The following THSD7B variants were observed in gnomAD, a reference collection of about 807,000 sequenced individuals.
The protein encoded by THSD7B is thrombospondin type-1 domain-containing protein 7B.
Under a neutral mutation model 213.6 loss-of-function variants are expected in THSD7B, and 138 were observed. That is an observed-to-expected ratio of 0.65 (90% CI 0.56 to 0.74). The LOEUF is 0.74. Ranked by LOEUF, THSD7B falls within the 30% of genes least tolerant of loss-of-function variation. The pLI is 0.00. For synonymous variants in THSD7B, 742 were observed against 687.0 expected, an observed-to-expected ratio of 1.08 and a Z score of -1.25; for missense variants, 1,931 against 1,991.5, an observed-to-expected ratio of 0.97 and a Z score of 0.58.
At chr2:137,268,920 C>T (rs1682666545) in intron 10 of THSD7B, among the ~76,000 whole-genome samples, 1 of 152,132 alleles carries the variant, frequency 6.6e-6, no homozygotes, top group South Asian at 2.1e-4. Flanking sequence ...CTGTTGTGTG[C>T]AAAGGAGTCT....
intron 15 of THSD7B, among the ~76,000 whole-genome samples, chr2:137,469,577 T>G (rs1195564393): frequency 6.6e-6 from 1 of 152,246 alleles, no homozygotes; most frequent in South Asian, 2.1e-4. Flanking sequence ...GCATCCCTCC[T>G]CTCCAGCAGA....
At chr2:137,555,508 A>C (rs1680941676) in intron 15 of THSD7B, among the ~76,000 whole-genome samples, 1 of 152,220 alleles carries the variant, frequency 6.6e-6, no homozygotes, top group Non-Finnish European at 1.5e-5. Context: ...AAAACTAACA[A>C]ACAGAAAGGA....
chr2:137,383,678 T>C (rs1233841666), intron 12 of THSD7B, among the ~76,000 whole-genome samples: 1 of 152,174 alleles, frequency 6.6e-6, no homozygotes, highest in African/African-American at 2.4e-5. Context: ...AATGTATAAT[T>C]ACCCTGCTAA....
chr2:136,778,078 G>T (rs1681646782), intron 1 of THSD7B, among the ~76,000 whole-genome samples: 1 of 152,108 alleles, frequency 6.6e-6, no homozygotes, highest in Admixed American at 6.5e-5. Context: ...GAATATTCTG[G>T]TTGATGGAAT....
chr2:136,906,587 A>G (rs944103307), intron 2 of THSD7B: 1 of 152,228 alleles, frequency 6.6e-6, no homozygotes, highest in Non-Finnish European at 1.5e-5. Flanking sequence ...ATTCATCAAA[A>G]TAGTGATTTG....
chr2:137,210,672 G>C (rs2117749), intron 7 of THSD7B, among the ~76,000 whole-genome samples: 90,661 of 151,802 alleles, frequency 0.6, 27,489 homozygotes, highest in South Asian at 0.71. Flanking sequence ...CATTTAAACT[G>C]CATTTAAGTA....
At chr2:137,028,895 A>G (rs941290336) in intron 2 of THSD7B, among the ~76,000 whole-genome samples, 2 of 152,190 alleles carry the variant, frequency 1.3e-5, no homozygotes, top group East Asian at 3.8e-4. Flanking sequence ...GAAGATATGG[A>G]AAAATATATA....
At chr2:137,558,300 T>C (rs1015777129) in intron 15 of THSD7B, among the ~76,000 whole-genome samples, 1 of 152,178 alleles carries the variant, frequency 6.6e-6, no homozygotes, top group African/African-American at 2.4e-5. Flanking sequence ...TGAACATCGA[T>C]GCAAAAATCC....
intron 15 of THSD7B, among the ~76,000 whole-genome samples, chr2:137,498,094 T>C (rs551977696): frequency 6.6e-6 from 1 of 152,324 alleles, no homozygotes; most frequent in Admixed American, 6.5e-5. Flanking sequence ...TTCCCTTATA[T>C]AAAATGGTAC....
intron 15 of THSD7B, among the ~76,000 whole-genome samples, chr2:137,551,245 A>T (rs1680842219): frequency 6.6e-6 from 1 of 152,082 alleles, no homozygotes; most frequent in Non-Finnish European, 1.5e-5. Flanking sequence ...TCTTCTTTAT[A>T]TGTAAAGGCA....
At chr2:137,377,360 G>A (rs1685679455) in intron 12 of THSD7B, among the ~76,000 whole-genome samples, 1 of 152,074 alleles carries the variant, frequency 6.6e-6, no homozygotes, top group Non-Finnish European at 1.5e-5. Context: ...GAAAAGAACT[G>A]CATTAATGAC....
intron 12 of THSD7B, among the ~76,000 whole-genome samples, chr2:137,331,866 T>C (rs1167801049): frequency 6.6e-6 from 1 of 152,148 alleles, no homozygotes; most frequent in Admixed American, 6.5e-5. Context: ...AAGCCCCTCA[T>C]TGCCCGGGGC....
intron 12 of THSD7B, among the ~76,000 whole-genome samples, chr2:137,375,000 A>G (rs1419117294): frequency 6.6e-6 from 1 of 152,176 alleles, no homozygotes; most frequent in Non-Finnish European, 1.5e-5. Context: ...TTGAGACACA[A>G]GTTCCACTTG....
chr2:137,642,200 C>T (rs1682951717), intron 20 of THSD7B: 2 of 283,180 alleles, frequency 7.1e-6, no homozygotes, highest in Non-Finnish European at 1.3e-5. Flanking sequence ...AATTGACAGT[C>T]TACCAATGTT....
intron 21 of THSD7B, among the ~76,000 whole-genome samples, chr2:137,648,122 TA>T (rs1388723035): frequency 2.0e-5 from 3 of 152,334 alleles, no homozygotes; most frequent in African/African-American, 4.8e-5. Context: ...TAGATGTATA[TA>T]TTTTTTGGGT....
rs375575773 is a variant in THSD7B, at chr2:136,837,055, A to G, written c.-35-45089A>G. ...AGATTAATCCCAGCAGGTCACTGCT[A>G]TCTTCCTAGGTTGGATTGGCTTCAT... On this transcript the variant is annotated intron_variant, in intron 1 of 27. Transcript: ENST00000409968. 3.3e-5 allele frequency among the ~76,000 whole-genome samples: 5 copies of G among 152,302 alleles called. No homozygotes were observed. The South Asian group carries it at 6.2e-4, about 19-fold the overall frequency.
chr2:137,135,594 C>G (rs1482646418), intron 5 of THSD7B, among the ~76,000 whole-genome samples: 1 of 152,124 alleles, frequency 6.6e-6, no homozygotes, highest in Non-Finnish European at 1.5e-5. Flanking sequence ...CATTTCTAGT[C>G]TAGGGTGCAA....
At chr2:137,675,064 G>A (rs1324522973) in intron 27 of THSD7B, among the ~76,000 whole-genome samples, 1 of 151,954 alleles carries the variant, frequency 6.6e-6, no homozygotes, top group African/African-American at 2.4e-5. Flanking sequence ...TAGCCATTAA[G>A]TGTAAGAAGC....
intron 1 of THSD7B, among the ~76,000 whole-genome samples, chr2:136,800,486 C>G (rs1177067999): frequency 6.6e-6 from 1 of 152,000 alleles, no homozygotes. Flanking sequence ...CATAGTCCAG[C>G]TTGTGGCTTC....
Sources: allele counts gnomAD v4.1 joint callset (sites outside exome capture counted in the v4.1 genomes callset), GRCh38; gene constraint gnomAD v4.1.1; transcripts MANE v1.5; gene names NCBI Gene and HGNC (gene_info 2026-07-23, HGNC 2026-07-21).